Variants in CDH18 observed in about 807,000 individuals in gnomAD.
The protein encoded by CDH18 is cadherin-18.
Under a neutral mutation model 67.9 loss-of-function variants are expected in CDH18, and 31 were observed. The ratio of observed to expected loss-of-function variants is 0.46; its 90% CI spans 0.34 to 0.62. The LOEUF (loss-of-function observed/expected upper bound fraction) is 0.62, where lower values mean the gene tolerates loss of function less well. CDH18 is among the 20% of genes least tolerant of loss of function. The pLI is 0.01. For missense variants in CDH18, 890 were observed against 975.5 expected (o/e 0.91, Z 1.17); for synonymous variants, 362 against 347.2 (o/e 1.04, Z -0.48).
At chr5:20,165,121 T>A (rs1180554513) in intron 2 of CDH18, among the ~76,000 whole-genome samples, 1 of 151,998 alleles carries the variant, frequency 6.6e-6, no homozygotes, top group Non-Finnish European at 1.5e-5. Flanking sequence ...TTAGGAAAAA[T>A]CAAGGTCAAC....
At chr5:20,142,650 T>C (rs1414997061) in intron 2 of CDH18, among the ~76,000 whole-genome samples, 2 of 151,702 alleles carry the variant, frequency 1.3e-5, no homozygotes, top group East Asian at 1.9e-4. Context: ...AACTCTAATC[T>C]AATATCATTA....
At chr5:20,410,428 A>G (rs1562042941) in intron 1 of CDH18, among the ~76,000 whole-genome samples, 2 of 151,870 alleles carry the variant, frequency 1.3e-5, no homozygotes, top group African/African-American at 2.4e-5. Context: ...GACAATAATG[A>G]GCACACTTTC....
At chr5:19,675,894 G>T (rs146601406) in intron 5 of CDH18, among the ~76,000 whole-genome samples, 1 of 151,694 alleles carries the variant, frequency 6.6e-6, no homozygotes, top group Admixed American at 6.6e-5. Context: ...ACTAATAAAC[G>T]TCCATGAAAT....
intron 2 of CDH18, among the ~76,000 whole-genome samples, chr5:20,126,506 T>C (rs926775921): frequency 6.6e-6 from 1 of 152,062 alleles, no homozygotes; most frequent in East Asian, 1.9e-4. Flanking sequence ...AAGGAAACAA[T>C]CAACAAAACA....
At chr5:20,369,393 T>C (rs1229704902) in intron 1 of CDH18, among the ~76,000 whole-genome samples, 3 of 152,162 alleles carry the variant, frequency 2.0e-5, no homozygotes, top group Non-Finnish European at 4.4e-5. Flanking sequence ...CAAGATGTGA[T>C]CTCAATTAAA....
chr5:20,045,784 G>C (rs964666042), intron 2 of CDH18, among the ~76,000 whole-genome samples: 13 of 152,052 alleles, frequency 8.5e-5, no homozygotes, highest in Admixed American at 5.9e-4. Flanking sequence ...AAAGAACAAA[G>C]AATCTGGTGT....
chr5:19,912,634 T>A (rs1791281611), intron 2 of CDH18, among the ~76,000 whole-genome samples: 1 of 152,190 alleles, frequency 6.6e-6, no homozygotes, highest in Non-Finnish European at 1.5e-5. Context: ...CTATTTCATC[T>A]TACAAATTCA....
chr5:20,368,749 A>C (rs1004266953), intron 1 of CDH18, among the ~76,000 whole-genome samples: 1 of 152,152 alleles, frequency 6.6e-6, no homozygotes, highest in Non-Finnish European at 1.5e-5. Context: ...ACAAAGCCCC[A>C]ATTCTGGTGC....
rs879310500 is a variant in CDH18 at position 19,948,517 on chromosome 5, C to T, written c.-257+32543G>A. ...ATCATAGAGATGAAATACATAGGAGCGGTTGCCCTCTGTAAGGGTTTCTGT... is the reference window on the plus strand; with the variant it reads ...ATCATAGAGATGAAATACATAGGAGTGGTTGCCCTCTGTAAGGGTTTCTGT... On this transcript the variant is annotated intron_variant, in intron 2 of 12. Coordinates refer to ENST00000382275, the MANE Select transcript of CDH18 (RefSeq NM_004934.5). 3.2e-4 allele frequency among the ~76,000 whole-genome samples: 49 copies of T among 152,126 alleles called. 1 individual carries two copies. The highest frequency in any genetic ancestry group is 1.5e-3 in the South Asian group (7 of 4,818).
intron 1 of CDH18, among the ~76,000 whole-genome samples, chr5:20,544,904 C>T (rs1055174223): frequency 6.6e-6 from 1 of 152,126 alleles, no homozygotes; most frequent in Non-Finnish European, 1.5e-5. Flanking sequence ...TCATCTGAGT[C>T]AAGGCAAGTT....
chr5:20,210,552 T>G (rs531158506), intron 2 of CDH18, among the ~76,000 whole-genome samples: 1 of 152,120 alleles, frequency 6.6e-6, no homozygotes, highest in East Asian at 1.9e-4. Context: ...ATTTTAAATT[T>G]GCTTTTGAGT....
At chr5:19,794,774 A>C (rs935532847) in intron 3 of CDH18, among the ~76,000 whole-genome samples, 1 of 152,170 alleles carries the variant, frequency 6.6e-6, no homozygotes, top group African/African-American at 2.4e-5. Flanking sequence ...TAAATATGAT[A>C]ATTCAATGTG....
intron 2 of CDH18, among the ~76,000 whole-genome samples, chr5:19,957,839 A>AGC (rs1166933951): frequency 9.3e-6 from 1 of 107,472 alleles, no homozygotes; most frequent in African/African-American, 3.2e-5. Context: ...CTGAGAAAAT[A>AGC]ACATATATGT....
chr5:19,961,709 G>C (rs1796922316), intron 2 of CDH18, among the ~76,000 whole-genome samples: 1 of 151,862 alleles, frequency 6.6e-6, no homozygotes, highest in African/African-American at 2.4e-5. Context: ...TTTGTCTGTT[G>C]CCTGTTGTCT....
intron 5 of CDH18, among the ~76,000 whole-genome samples, chr5:19,619,781 G>T (rs907624073): frequency 6.6e-6 from 1 of 152,050 alleles, no homozygotes; most frequent in Non-Finnish European, 1.5e-5. Flanking sequence ...GTTTAGCCAG[G>T]GTATGGTTGT....
chr5:20,356,432 G>T (rs974089570), intron 1 of CDH18, among the ~76,000 whole-genome samples: 38 of 151,902 alleles, frequency 2.5e-4, no homozygotes, highest in African/African-American at 9.2e-4. Flanking sequence ...CCCACCAAAG[G>T]TAATCTCAAA....
intron 2 of CDH18, among the ~76,000 whole-genome samples, chr5:19,911,478 A>G (rs1300725367): frequency 6.6e-6 from 1 of 152,106 alleles, no homozygotes; most frequent in African/African-American, 2.4e-5. Context: ...GGAAGTTTTA[A>G]CTGCCAATTG....
In CDH18 at chr5:20,180,482, G is replaced by C. The variant is rs375221385; in HGVS notation, c.-518+74962C>G. ...TGAAAGATTGTGTTTCTGTTTTAAG[G>C]CTCTGTTAGAAATTACTGATGCACA... On this transcript the variant is annotated intron_variant, in intron 2 of 14. Transcript: ENST00000507958. Among the ~76,000 whole-genome samples the C allele has an allele frequency of 2.1e-3, 321 of 152,194 alleles. 1 individual carries two copies. Among genetic ancestry groups the C allele is most frequent in the African/African-American group, 7.4e-3 (308 of 41,522 alleles).
At chr5:19,901,902 A>C (rs1789976939) in intron 2 of CDH18, among the ~76,000 whole-genome samples, 1 of 151,960 alleles carries the variant, frequency 6.6e-6, no homozygotes, top group Non-Finnish European at 1.5e-5. Flanking sequence ...ATAATAATAG[A>C]ATTATTTTAA....
Sources: gnomAD v4.1 joint callset for allele counts (sites outside exome capture counted in the v4.1 genomes callset) on GRCh38, gnomAD v4.1.1 for gene constraint, MANE v1.5 for transcripts, NCBI Gene and HGNC (gene_info 2026-07-23, HGNC 2026-07-21) for gene names.